ASXL3: variants seen among roughly 807,000 people sequenced by gnomAD.
The protein encoded by ASXL3 is ASXL transcriptional regulator 3.
Under a neutral mutation model 170.6 loss-of-function variants are expected in ASXL3, and 34 were observed. The observed-to-expected ratio is 0.20, with a 90% CI of 0.15 to 0.27. The LOEUF is 0.27. Ranked by LOEUF, ASXL3 falls within the 10% of genes least tolerant of loss-of-function variation. The pLI is 1.00. For missense variants in ASXL3, 2,592 were observed against 2,695.3 expected (o/e 0.96, Z 0.85); for synonymous variants, 1,002 against 989.1 (o/e 1.01, Z -0.24).
At chr18:33,710,382 T>C (rs542468858) in intron 8 of ASXL3, among the ~76,000 whole-genome samples, 20 of 152,350 alleles carry the variant, frequency 1.3e-4, no homozygotes, top group South Asian at 1.0e-3. Flanking sequence ...TTATTGGCAA[T>C]CGTTTTAGTG....
At chr18:33,620,629 T>C (rs1205623971) in intron 2 of ASXL3, among the ~76,000 whole-genome samples, 1 of 152,196 alleles carries the variant, frequency 6.6e-6, no homozygotes, top group African/African-American at 2.4e-5. Flanking sequence ...TTACTAAAAG[T>C]CATCCAATTA....
chr18:33,584,394 T>C (rs1243991758), intron 1 of ASXL3, among the ~76,000 whole-genome samples: 1 of 152,022 alleles, frequency 6.6e-6, no homozygotes, highest in African/African-American at 2.4e-5. Context: ...AGAAAGGGAA[T>C]TAAAGACTCA....
intron 5 of ASXL3, among the ~76,000 whole-genome samples, chr18:33,668,079 A>T (rs1484857357): frequency 6.6e-6 from 1 of 152,134 alleles, no homozygotes; most frequent in Non-Finnish European, 1.5e-5. Flanking sequence ...CCCAGCAGCT[A>T]GTTAGTTAAA....
intron 1 of ASXL3, among the ~76,000 whole-genome samples, chr18:33,600,989 T>C (rs996880801): frequency 6.6e-5 from 10 of 152,154 alleles, no homozygotes; most frequent in Admixed American, 2.0e-4. Context: ...ATTGGTCCTT[T>C]AGTATGCTCT....
chr18:33,684,322 G>A (rs2066558947), intron 8 of ASXL3, among the ~76,000 whole-genome samples: 1 of 152,088 alleles, frequency 6.6e-6, no homozygotes, highest in African/African-American at 2.4e-5. Flanking sequence ...TGGACTTAAT[G>A]CATGTATATT....
chr18:33,743,729 C>T lies in ASXL3; in HGVS notation c.3881C>T (p.Ala1294Val), dbSNP rs1287701472. 6.2e-7 allele frequency: 1 copy of T among 1,613,814 alleles called. No individual in the cohort carries two copies. Among genetic ancestry groups the T allele is most frequent in the Admixed American group, 1.7e-5 (1 of 60,016 alleles). The change falls in exon 12 of 12, where the codon GCC (alanine) becomes GTC (valine). Residue 1294 changes from alanine (A) to valine (V), a missense_variant. This residue lies in a region of ASXL3 where 2,246 missense variants were observed against 2,219.6 expected (regional missense o/e 1.01). Coordinates refer to ENST00000269197, the MANE Select transcript of ASXL3 (RefSeq NM_030632.3). Reference sequence around the variant, plus strand: ...CAGGGAACTGACACTCCATGCATAGCCATTATACCAAAATGTATTGAAAGC... The same window carrying T: ...CAGGGAACTGACACTCCATGCATAGTCATTATACCAAAATGTATTGAAAGC... Reference protein sequence around the residue: ...TIQGTDTPCIAIIPKCIESTP... With the variant: ...TIQGTDTPCIVIIPKCIESTP...
At chr18:33,647,240 T>A (rs1335627206) in intron 4 of ASXL3, among the ~76,000 whole-genome samples, 2 of 152,074 alleles carry the variant, frequency 1.3e-5, no homozygotes, top group Admixed American at 6.6e-5. Context: ...TTGTTTGTCC[T>A]CTGCATGCTC....
intron 1 of ASXL3, 162 bp downstream of exon 1, chr18:33,578,847 C>A: frequency 2.9e-6 from 1 of 348,314 alleles, no homozygotes; most frequent in Non-Finnish European, 4.3e-6. Flanking sequence ...CGCCCGGGGG[C>A]CCCTGTGTGT....
At chr18:33,705,053 A>G (rs184078492) in intron 8 of ASXL3, among the ~76,000 whole-genome samples, 90 of 151,952 alleles carry the variant, frequency 5.9e-4, no homozygotes, top group Admixed American at 1.6e-3. Context: ...ATAAGCTATT[A>G]TTAATATTCA....
At chr18:33,645,058 A>G (rs1034704310) in intron 3 of ASXL3, 56 bp downstream of exon 3, 2 of 1,257,962 alleles carry the variant, frequency 1.6e-6, no homozygotes, top group Admixed American at 2.2e-5. Flanking sequence ...TTTTTCAGAC[A>G]TGTGAAGGTA....
intron 10 of ASXL3, among the ~76,000 whole-genome samples, chr18:33,737,942 T>C (rs1015601146): frequency 6.6e-6 from 1 of 152,026 alleles, no homozygotes; most frequent in African/African-American, 2.4e-5. Flanking sequence ...ATTTAAAAAA[T>C]ATATATTTTA....
chr18:33,711,968 T>C (rs1337150923), intron 8 of ASXL3, among the ~76,000 whole-genome samples: 1 of 152,232 alleles, frequency 6.6e-6, no homozygotes, highest in Non-Finnish European at 1.5e-5. Context: ...GTTCATGCTA[T>C]ATGAAAACAG....
chr18:33,630,246 C>G (rs150992848), intron 2 of ASXL3, among the ~76,000 whole-genome samples: 4 of 151,978 alleles, frequency 2.6e-5, no homozygotes, highest in Non-Finnish European at 5.9e-5. Context: ...AGAGGACTTA[C>G]TTTGAAATTC....
chr18:33,675,049 C>A (rs2066403700), intron 7 of ASXL3, among the ~76,000 whole-genome samples: 2 of 152,152 alleles, frequency 1.3e-5, no homozygotes, highest in African/African-American at 4.8e-5. Flanking sequence ...GGAACAGTGG[C>A]CTTTCTGTCT....
intron 8 of ASXL3, among the ~76,000 whole-genome samples, chr18:33,688,679 T>C (rs971456138): frequency 1.3e-5 from 2 of 152,182 alleles, no homozygotes; most frequent in African/African-American, 4.8e-5. Flanking sequence ...GTGTCAAATG[T>C]ACAATGTGCC....
At chr18:33,678,205 G>A (rs2066460356) in intron 7 of ASXL3, among the ~76,000 whole-genome samples, 1 of 152,038 alleles carries the variant, frequency 6.6e-6, no homozygotes, top group East Asian at 1.9e-4. Flanking sequence ...TGGGATTACA[G>A]GAATGAGCCA....
In ASXL3 at chr18:33,607,922, A is replaced by T. The variant is rs1442377756; in HGVS notation, c.137+246A>T. The stretch of plus-strand genomic sequence containing the variant: ...TCTTAACAAAGAACAGCACTGTGTG[A>T]CTTAGCCCCTCATTGAAGTTATTCC... On this transcript the variant is annotated intron_variant, in intron 2 of 11. Coordinates refer to ENST00000269197, the MANE Select transcript of ASXL3 (RefSeq NM_030632.3). 2.0e-5 allele frequency among the ~76,000 whole-genome samples: 3 copies of T among 152,116 alleles called. No individual in the cohort carries two copies. The East Asian group carries it at 5.8e-4, about 30-fold the overall frequency.
At chr18:33,622,303 C>G (rs2065527924) in intron 2 of ASXL3, among the ~76,000 whole-genome samples, 1 of 152,092 alleles carries the variant, frequency 6.6e-6, no homozygotes, top group African/African-American at 2.4e-5. Context: ...CCTGACCTTC[C>G]TATTGTCTAG....
At chr18:33,607,114 G>C (rs1284307760) in intron 1 of ASXL3, among the ~76,000 whole-genome samples, 1 of 151,884 alleles carries the variant, frequency 6.6e-6, no homozygotes, top group East Asian at 1.9e-4. Context: ...GAGTTACTTG[G>C]GTTCCTGTAT....
Sources: gnomAD v4.1 joint callset for allele counts (sites outside exome capture counted in the v4.1 genomes callset) on GRCh38, gnomAD v4.1.1 for gene constraint, gnomAD v4.1.1 regional missense constraint, MANE v1.5 for transcripts, NCBI Gene and HGNC (gene_info 2026-07-23, HGNC 2026-07-21) for gene names.